DNAH12: variants seen among roughly 807,000 people sequenced by gnomAD.
The protein encoded by DNAH12 is axonemal beta dynein heavy chain 12.
DNAH12 carries 285 observed loss-of-function variants against 371.5 expected under a neutral mutation model. That is an observed-to-expected ratio of 0.77 (90% CI 0.70 to 0.85). DNAH12 has a LOEUF of 0.85. DNAH12 is among the 40% of genes least tolerant of loss of function. DNAH12 has a pLI of 0.00. For synonymous variants in DNAH12, 1,200 were observed against 1,213.0 expected, an observed-to-expected ratio of 0.99 and a Z score of 0.22; for missense variants, 3,611 against 3,689.4, an observed-to-expected ratio of 0.98 and a Z score of 0.55.
intron 11 of DNAH12, among the ~76,000 whole-genome samples, chr3:57,490,798 C>T (rs1191669632): frequency 2.0e-5 from 3 of 152,006 alleles, no homozygotes; most frequent in Non-Finnish European, 4.4e-5. Context: ...GTTGGAAATA[C>T]ACCAAATAGG....
At chr3:57,436,280 C>G (rs981057773) in intron 30 of DNAH12, among the ~76,000 whole-genome samples, 1 of 152,114 alleles carries the variant, frequency 6.6e-6, no homozygotes, top group African/African-American at 2.4e-5. Flanking sequence ...TAATGACACC[C>G]TGTATAATAA....
chr3:57,478,872 G>T (rs2066632390), intron 13 of DNAH12, among the ~76,000 whole-genome samples: 1 of 152,112 alleles, frequency 6.6e-6, no homozygotes, highest in Non-Finnish European at 1.5e-5. Context: ...ACAAGCAAAT[G>T]CTGAGAGATT....
In DNAH12 at chr3:57,301,764, C is replaced by T. The variant is rs955496197; in HGVS notation, c.11365G>A (p.Asp3789Asn). The T allele has an allele frequency of 2.5e-5, 39 of 1,549,968 alleles. No homozygotes were observed. In the Admixed American group the frequency reaches 7.5e-4, roughly 30 times the overall value. ...SLKPLGSYITDFLARLNFLQD... is the reference protein window; with the variant it reads ...SLKPLGSYITNFLARLNFLQD... Reference sequence around the variant, plus strand: ...AAAAAGTTCAACCGGGCTAGGAAATCTGTGATGTAACTTCCCAGGGGCTTA... The same window carrying T: ...AAAAAGTTCAACCGGGCTAGGAAATTTGTGATGTAACTTCCCAGGGGCTTA... The change falls in exon 70 of 74, where the codon GAT (aspartate) becomes AAT (asparagine). Residue 3789 changes from aspartate (D) to asparagine (N), a missense_variant. Transcript: ENST00000495027.
chr3:57,482,028 A>G (rs1467841329), intron 13 of DNAH12, among the ~76,000 whole-genome samples: 1 of 152,360 alleles, frequency 6.6e-6, no homozygotes, highest in African/African-American at 2.4e-5. Flanking sequence ...CTTCAAGCCT[A>G]AAACACCAAA....
chr3:57,364,217 G>A (rs2062998759), intron 57 of DNAH12, among the ~76,000 whole-genome samples: 1 of 152,106 alleles, frequency 6.6e-6, no homozygotes, highest in Non-Finnish European at 1.5e-5. Flanking sequence ...TGGCACTTGT[G>A]TCAAAACATT....
intron 43 of DNAH12, among the ~76,000 whole-genome samples, chr3:57,399,449 A>G (rs1301571920): frequency 6.6e-6 from 1 of 152,226 alleles, no homozygotes; most frequent in Non-Finnish European, 1.5e-5. Context: ...AGATCCAAGG[A>G]AATATGTAAG....
rs184921730 is a variant in DNAH12, at chr3:57,446,708, G to A, written c.3787-19C>T. The A allele has an allele frequency of 3.5e-5, 52 of 1,472,350 alleles. No individual in the cohort carries two copies. In the African/African-American group the frequency reaches 7.1e-4, roughly 20 times the overall value. The allele number at this position is 1,472,350 out of a possible 1,614,324, so 91.2% of individuals were successfully genotyped here. A position where few individuals can be genotyped will look rare whatever the true frequency, so the allele number is the denominator to read the frequency against. On this transcript the variant is annotated intron_variant, in intron 25 of 73. Transcript: ENST00000495027. ...CACCTATCTGAAATGAAAAACACATGTGAAAAGAAATCCATGCTTAAATTT... is the reference window on the plus strand; with the variant it reads ...CACCTATCTGAAATGAAAAACACATATGAAAAGAAATCCATGCTTAAATTT...
chr3:57,353,437 T>C (rs2062729239), intron 59 of DNAH12, among the ~76,000 whole-genome samples: 1 of 152,114 alleles, frequency 6.6e-6, no homozygotes, highest in Admixed American at 6.5e-5. Flanking sequence ...GGACTACAGG[T>C]GCATGGCACC....
intron 60 of DNAH12, among the ~76,000 whole-genome samples, chr3:57,348,905 A>G (rs1007188714): frequency 6.6e-6 from 1 of 152,192 alleles, no homozygotes; most frequent in African/African-American, 2.4e-5. Context: ...AAATGCAAAG[A>G]TCCAAGAATA....
chr3:57,472,620 C>A lies in DNAH12; in HGVS notation c.1702G>T (p.Glu568Ter). ...YFLDVFLFPQ[E>*]DLALNATVLM... ...ACAGTTGCATTTAAAGCTAAGTCTT[C>A]TTGAGGAAATAGGAAAACATCTAAA... Residue 568 changes from glutamate (E) to a stop codon, truncating the protein, a stop_gained, in exon 14 of 74, where the codon GAA becomes TAA. Coordinates refer to ENST00000495027, the MANE Select transcript of DNAH12 (RefSeq NM_001366028.2). LOFTEE classifies it high-confidence loss of function. 1 of 1,550,990 alleles carries A rather than the reference C, an allele frequency of 6.4e-7. No individual in the cohort carries two copies. The highest frequency in any genetic ancestry group is 8.7e-7 in the Non-Finnish European group (1 of 1,146,764).
At chr3:57,438,477 AAAG>A (rs1402316491) in intron 29 of DNAH12, among the ~76,000 whole-genome samples, 6 of 152,216 alleles carry the variant, frequency 3.9e-5, no homozygotes, top group South Asian at 2.1e-4. Flanking sequence ...CCAAATAGAA[AAAG>A]AAGAAGTCAA....
chr3:57,525,354 G>A (rs1478411830), intron 2 of DNAH12, among the ~76,000 whole-genome samples: 2 of 152,020 alleles, frequency 1.3e-5, no homozygotes, highest in African/African-American at 2.4e-5. Flanking sequence ...TAGCATATTT[G>A]GAAATGATCT....
At chr3:57,479,823 T>A (rs1446310160) in intron 13 of DNAH12, among the ~76,000 whole-genome samples, 1 of 152,018 alleles carries the variant, frequency 6.6e-6, no homozygotes, top group Non-Finnish European at 1.5e-5. Flanking sequence ...GCATGACTAC[T>A]GGTACATAAC....
intron 13 of DNAH12, among the ~76,000 whole-genome samples, chr3:57,479,730 C>T (rs986576500): frequency 4.6e-5 from 7 of 152,074 alleles, no homozygotes; most frequent in East Asian, 1.9e-4. Context: ...TCTCTCAGAC[C>T]ACAGTGCAAT....
chr3:57,348,524 A>C (rs1342360829), intron 60 of DNAH12, among the ~76,000 whole-genome samples: 1 of 152,192 alleles, frequency 6.6e-6, no homozygotes, highest in African/African-American at 2.4e-5. Flanking sequence ...ATGTCAATGC[A>C]AGCTCATAGA....
intron 62 of DNAH12, among the ~76,000 whole-genome samples, chr3:57,332,330 T>C (rs1304439698): frequency 6.6e-6 from 1 of 152,188 alleles, no homozygotes; most frequent in Non-Finnish European, 1.5e-5. Flanking sequence ...AATTGTGACA[T>C]GTACAAAATT....
At chr3:57,450,820 A>G (rs1188557120) in intron 25 of DNAH12, among the ~76,000 whole-genome samples, 4 of 152,314 alleles carry the variant, frequency 2.6e-5, no homozygotes, top group Non-Finnish European at 4.4e-5. Context: ...TGCCCTACCC[A>G]GAGCCCCTTT....
chr3:57,296,622 C>T (rs1336095095), intron 71 of DNAH12, among the ~76,000 whole-genome samples, 187 bp from the exon 72 acceptor site: 2 of 152,156 alleles, frequency 1.3e-5, no homozygotes, highest in African/African-American at 4.8e-5. Context: ...AGTATTTTAT[C>T]AGATTGTACT....
intron 60 of DNAH12, among the ~76,000 whole-genome samples, chr3:57,336,284 T>C (rs1240641644): frequency 6.6e-6 from 1 of 152,058 alleles, no homozygotes; most frequent in Non-Finnish European, 1.5e-5. Context: ...AGGAAAAAAA[T>C]TGGTCTTAGA....
Sources: allele counts gnomAD v4.1 joint callset (sites outside exome capture counted in the v4.1 genomes callset), GRCh38; gene constraint gnomAD v4.1.1; transcripts MANE v1.5; gene names NCBI Gene and HGNC (gene_info 2026-07-23, HGNC 2026-07-21).